Variants in DYNC1I2 observed in about 807,000 individuals in gnomAD.
DYNC1I2 encodes the protein cytoplasmic dynein 1 intermediate chain 2.
DYNC1I2 carries 53 observed loss-of-function variants against 88.6 expected under a neutral mutation model. The ratio of observed to expected loss-of-function variants is 0.60; its 90% CI spans 0.48 to 0.75. The LOEUF (loss-of-function observed/expected upper bound fraction) is 0.75. DYNC1I2 is among the 30% of genes least tolerant of loss of function. The probability of loss-of-function intolerance (pLI) is 0.00; values close to 1 mark genes in which losing one functional copy is unlikely to be tolerated. For missense variants in DYNC1I2, 458 were observed against 766.6 expected (o/e 0.60, Z 4.75); for synonymous variants, 198 against 254.6 (o/e 0.78, Z 2.12).
intron 10 of DYNC1I2, 54 bp downstream of exon 10, chr2:171,726,347 CA>C (rs1252706389): frequency 8.1e-7 from 1 of 1,229,540 alleles, no homozygotes; most frequent in Non-Finnish European, 1.1e-6. Context: ...TTATAATTAG[CA>C]GGTCATTTTA....
rs71013065 is a variant in DYNC1I2, at chr2:171,708,067, T to TCA, written c.335+715_335+716dup. Among the ~76,000 whole-genome samples, 603 of 149,442 alleles carry TCA rather than the reference T, an allele frequency of 4.0e-3. 3 individuals carry two copies. The highest frequency in any genetic ancestry group is 0.013 in the East Asian group (65 of 5,096). The stretch of plus-strand genomic sequence containing the variant: ...TACTACTTATTCCTCTTTGTCTCTC[T>TCA]CACACACACACACACACACACACAC... On this transcript the variant is annotated intron_variant, in intron 5 of 17. Transcript: ENST00000397119.
intron 15 of DYNC1I2, among the ~76,000 whole-genome samples, chr2:171,731,060 CTTAACACAGTG>C (rs1447324075): frequency 6.6e-6 from 1 of 152,176 alleles, no homozygotes; most frequent in African/African-American, 2.4e-5. Flanking sequence ...GAAACAGATG[CTTAACACAGTG>C]TCCAGCAAAT....
chr2:171,707,146 C>T, intron 4 of DYNC1I2, 141 bp from the exon 5 acceptor site: 2 of 1,202,652 alleles, frequency 1.7e-6, no homozygotes, highest in Non-Finnish European at 2.4e-6. Flanking sequence ...TGTTCATTTT[C>T]ATTCATATAT....
At chr2:171,706,758 G>A in intron 4 of DYNC1I2, 194 bp downstream of exon 4, 1 of 479,504 alleles carries the variant, frequency 2.1e-6, no homozygotes, top group Non-Finnish European at 3.6e-6. Flanking sequence ...TTTTTTGGGG[G>A]GGAGGCAGTG....
intron 3 of DYNC1I2, among the ~76,000 whole-genome samples, chr2:171,698,077 C>T (rs745523748): frequency 2.6e-5 from 4 of 152,184 alleles, no homozygotes; most frequent in Non-Finnish European, 5.9e-5. Context: ...TAGGTAATAT[C>T]TGAGGGTGAT....
Position 171,745,797 on chromosome 2 carries a change from T to C in DYNC1I2, c.1678-5T>C. On this transcript the variant is annotated splice_polypyrimidine_tract_variant and splice_region_variant and intron_variant, in intron 16 of 17. Coordinates refer to ENST00000397119, the MANE Select transcript of DYNC1I2 (RefSeq NM_001378.3). ...AACACTGTCCTTTATTTTAAATGAC[T>C]TTAGGTACCAACTGCCAGCATTTCT... The C allele has an allele frequency of 6.2e-7, 1 of 1,613,110 alleles. No homozygotes were observed. Among genetic ancestry groups the C allele is most frequent in the Non-Finnish European group, 8.5e-7 (1 of 1,179,364 alleles).
At chr2:171,741,925 T>C (rs1196528520) in intron 15 of DYNC1I2, among the ~76,000 whole-genome samples, 1 of 151,958 alleles carries the variant, frequency 6.6e-6, no homozygotes, top group Admixed American at 6.6e-5. Flanking sequence ...CTACTAAAAA[T>C]ACAAAAATTA....
chr2:171,710,404 G>A (rs1159501233), intron 5 of DYNC1I2, among the ~76,000 whole-genome samples: 2 of 152,174 alleles, frequency 1.3e-5, no homozygotes, highest in Non-Finnish European at 2.9e-5. Context: ...CATGTGAGAT[G>A]TGTGCATGCA....
chr2:171,716,380 G>A (rs973397584), intron 7 of DYNC1I2, among the ~76,000 whole-genome samples: 1 of 151,930 alleles, frequency 6.6e-6, no homozygotes, highest in Non-Finnish European at 1.5e-5. Context: ...AATGAGTTAT[G>A]GATTTTAGAG....
chr2:171,740,721 ATCT>A (rs1174705525), intron 15 of DYNC1I2, among the ~76,000 whole-genome samples: 2 of 150,754 alleles, frequency 1.3e-5, no homozygotes. Flanking sequence ...ACTTTTGCTG[ATCT>A]TCTTTATCAC....
chr2:171,697,128 G>A (rs1266878682), intron 3 of DYNC1I2, among the ~76,000 whole-genome samples: 1 of 152,000 alleles, frequency 6.6e-6, no homozygotes, highest in Non-Finnish European at 1.5e-5. Context: ...AGCCTCCCAA[G>A]TAGCTGGGAA....
At chr2:171,741,557 A>G (rs940585886) in intron 15 of DYNC1I2, among the ~76,000 whole-genome samples, 3 of 152,174 alleles carry the variant, frequency 2.0e-5, no homozygotes, top group African/African-American at 7.2e-5. Flanking sequence ...AGGCTATTGT[A>G]AGCACTGTGG....
At chr2:171,736,955 A>G (rs1200321522) in intron 15 of DYNC1I2, among the ~76,000 whole-genome samples, 4 of 152,180 alleles carry the variant, frequency 2.6e-5, no homozygotes, top group African/African-American at 7.2e-5. Context: ...AAAATAATCT[A>G]TATTCTTTTC....
Position 171,706,501 on chromosome 2 carries a change from G to T in DYNC1I2, c.227-46G>T, listed in dbSNP as rs765373749. ...AAATGTGTATTTTTCTATAAGAAGG[G>T]ATTAAGAATATTTTGGGTGTCTGTA... On this transcript the variant is annotated intron_variant, in intron 3 of 17. Coordinates refer to ENST00000397119, the MANE Select transcript of DYNC1I2 (RefSeq NM_001378.3). 4 of 1,544,928 alleles carry T rather than the reference G, an allele frequency of 2.6e-6. No individual in the cohort carries two copies. In the African/African-American group the frequency reaches 4.1e-5, roughly 16 times the overall value.
intron 15 of DYNC1I2, among the ~76,000 whole-genome samples, chr2:171,737,650 C>T (rs970064850): frequency 4.6e-5 from 7 of 152,130 alleles, no homozygotes; most frequent in African/African-American, 1.7e-4. Flanking sequence ...AACTCCTGGC[C>T]TCAAGTGATC....
At chr2:171,717,427 T>C (rs1022824603) in intron 7 of DYNC1I2, among the ~76,000 whole-genome samples, 2 of 152,170 alleles carry the variant, frequency 1.3e-5, no homozygotes, top group African/African-American at 4.8e-5. Context: ...GTCCAAGTAC[T>C]TTTTACTTGA....
At chr2:171,732,056 T>C (rs947786099) in intron 15 of DYNC1I2, among the ~76,000 whole-genome samples, 2 of 152,214 alleles carry the variant, frequency 1.3e-5, no homozygotes, top group East Asian at 1.9e-4. Flanking sequence ...ATAATTATCT[T>C]GTTTTTATGA....
At chr2:171,741,918 C>T (rs1480330170) in intron 15 of DYNC1I2, among the ~76,000 whole-genome samples, 1 of 151,956 alleles carries the variant, frequency 6.6e-6, no homozygotes, top group Non-Finnish European at 1.5e-5. Context: ...CCCTTCTCTA[C>T]TAAAAATACA....
At position 171,693,916 on chromosome 2, in the gene DYNC1I2, C is replaced by T. The variant is rs541882166; in HGVS notation, c.226+1022C>T. Among the ~76,000 whole-genome samples, 4 of 152,096 alleles carry T rather than the reference C, an allele frequency of 2.6e-5. No homozygotes were observed. In the East Asian group the frequency reaches 7.7e-4, roughly 29 times the overall value. On this transcript the variant is annotated intron_variant, in intron 3 of 17. Coordinates refer to ENST00000397119, the MANE Select transcript of DYNC1I2 (RefSeq NM_001378.3). ...GTAACTAAACCAAGTTGCTTGTTAGCCTTTGTTTGAGTTACCTTTTTTTTC... is the reference window on the plus strand; with the variant it reads ...GTAACTAAACCAAGTTGCTTGTTAGTCTTTGTTTGAGTTACCTTTTTTTTC...
Sources: allele counts gnomAD v4.1 joint callset (sites outside exome capture counted in the v4.1 genomes callset), GRCh38; gene constraint gnomAD v4.1.1; transcripts MANE v1.5; gene names NCBI Gene and HGNC (gene_info 2026-07-23, HGNC 2026-07-21).